Variants in FMOD observed in about 807,000 individuals in gnomAD.
FMOD encodes KSPG fibromodulin.
In FMOD, 15 loss-of-function variants were observed where a neutral mutation model predicts 27.0. That is an observed-to-expected ratio of 0.55 (90% CI 0.37 to 0.85). The LOEUF is 0.85. Among genes scored for constraint, FMOD ranks in the 40% least tolerant of loss-of-function variants. The pLI, the probability that FMOD is intolerant of heterozygous loss-of-function variation, is 0.00. For missense variants in FMOD, 460 were observed against 483.2 expected, an observed-to-expected ratio of 0.95 and a Z score of 0.45; for synonymous variants, 210 against 214.0, an observed-to-expected ratio of 0.98 and a Z score of 0.16.
In FMOD at chr1:203,342,500, G is replaced by A. The variant is rs2102300839; in HGVS notation, c.980-6C>T. ...GAAGCTGCTGATGGAGAACTCTGTG[G>A]GGACAAGAGGAGCACGGGTCAGGGA... On this transcript the variant is annotated splice_region_variant and splice_polypyrimidine_tract_variant and intron_variant, in intron 2 of 2. Coordinates refer to ENST00000354955, the MANE Select transcript of FMOD (RefSeq NM_002023.5). The A allele has an allele frequency of 6.2e-7, 1 of 1,612,494 alleles. No individual in the cohort carries two copies. The highest frequency in any genetic ancestry group is 8.5e-7 in the Non-Finnish European group (1 of 1,178,804).
Position 203,342,109 on chromosome 1 carries a change from C to T in FMOD, c.*234G>A. On this transcript the variant is annotated 3_prime_UTR_variant, in exon 3 of 3. Coordinates refer to ENST00000354955, the MANE Select transcript of FMOD (RefSeq NM_002023.5). ...GGGTTGGAACATCCAGGGATCCTTCCATCTACCACCACTTCTGTCCCTGGA... is the reference window on the plus strand; with the variant it reads ...GGGTTGGAACATCCAGGGATCCTTCTATCTACCACCACTTCTGTCCCTGGA... 1 of 484,578 alleles carries T rather than the reference C, an allele frequency of 2.1e-6. No individual in the cohort carries two copies. The highest frequency in any genetic ancestry group is 3.7e-6 in the Non-Finnish European group (1 of 273,628). The allele number at this position is 484,578 out of a possible 1,614,324, so 30.0% of individuals were successfully genotyped here.
At chr1:203,342,854 A>G (rs1658821444) in intron 2 of FMOD, among the ~76,000 whole-genome samples, 1 of 151,896 alleles carries the variant, frequency 6.6e-6, no homozygotes, top group African/African-American at 2.4e-5. Flanking sequence ...GTAGCCAAAG[A>G]CCAACCGTAG....
chr1:203,342,685 CTG>C (rs1228125260), intron 2 of FMOD, among the ~76,000 whole-genome samples, 191 bp from the exon 3 acceptor site: 1 of 152,178 alleles, frequency 6.6e-6, no homozygotes, highest in Admixed American at 6.5e-5. Context: ...AGAGTGAGGA[CTG>C]TGCCTGCGTC....
At chr1:203,344,186 A>C (rs1346265151) in intron 2 of FMOD, among the ~76,000 whole-genome samples, 2 of 152,092 alleles carry the variant, frequency 1.3e-5, no homozygotes, top group East Asian at 1.9e-4. Context: ...TGAGGAGAAG[A>C]AGCAAAGTGG....
intron 2 of FMOD, among the ~76,000 whole-genome samples, chr1:203,346,707 G>T (rs903661819): frequency 2.0e-5 from 3 of 152,130 alleles, no homozygotes. Context: ...GGCTGTAGAC[G>T]CAAGAGTAGT....
intron 2 of FMOD, among the ~76,000 whole-genome samples, chr1:203,343,983 G>A (rs1658843402): frequency 6.6e-6 from 1 of 152,188 alleles, no homozygotes; most frequent in Admixed American, 6.5e-5. Flanking sequence ...TAGACACTGA[G>A]AAAAGTAGCG....
intron 2 of FMOD, among the ~76,000 whole-genome samples, chr1:203,344,143 C>G (rs1251184934): frequency 6.6e-6 from 1 of 152,156 alleles, no homozygotes; most frequent in Non-Finnish European, 1.5e-5. Flanking sequence ...GGGGCTGGGT[C>G]TATGTTATCT....
intron 2 of FMOD, among the ~76,000 whole-genome samples, chr1:203,345,725 C>T (rs994776104): frequency 5.9e-5 from 9 of 152,020 alleles, no homozygotes; most frequent in Non-Finnish European, 8.8e-5. Context: ...GGTGAAACCC[C>T]GTCTCTACTA....
rs1314750672 is a variant in FMOD, at chr1:203,342,601, T to C, written c.980-107A>G. The C allele has an allele frequency of 5.1e-6, 6 of 1,177,756 alleles. No homozygotes were observed. In the Admixed American group the frequency reaches 9.7e-5, roughly 19 times the overall value. The allele number at this position is 1,177,756 out of a possible 1,614,324, so 73.0% of individuals were successfully genotyped here. A position where few individuals can be genotyped will look rare whatever the true frequency, so the allele number is the denominator to read the frequency against. On this transcript the variant is annotated intron_variant, in intron 2 of 2. Coordinates refer to ENST00000354955, the MANE Select transcript of FMOD (RefSeq NM_002023.5). ...AGCAGCTTAGATAAAGGGGTGGAAG[T>C]TGGGGATGGAGGGCAGATGTTTTCC...
At chr1:203,344,083 A>T (rs58876285) in intron 2 of FMOD, among the ~76,000 whole-genome samples, 1,551 of 152,262 alleles carry the variant, frequency 0.01, 19 homozygotes, top group African/African-American at 0.035. Flanking sequence ...GGTCCCAAGG[A>T]CTAGATTAAG....
rs1341393343 is a variant in FMOD at position 203,347,523 on chromosome 1, A to G, written c.748T>C (p.Tyr250His). ...DGLPSALEQL[Y>H]MEHNNVYTVP... ...GTGTAGACATTGTTGTGCTCCATGT[A>G]CAGCTGCTCAAGAGCTGAGGGCAGC... Residue 250 changes from tyrosine (Y) to histidine (H), a missense_variant, in exon 2 of 3, where the codon TAC becomes CAC. Tyr to His is a moderately conservative substitution (Grantham distance 83). Transcript: ENST00000354955. 6 of 1,614,040 alleles carry G rather than the reference A, an allele frequency of 3.7e-6. No homozygotes were observed. Among genetic ancestry groups the G allele is most frequent in the Non-Finnish European group, 5.1e-6 (6 of 1,180,026 alleles).
Position 203,348,133 on chromosome 1 carries a change from C to T in FMOD, c.138G>A (p.Pro46=), listed in dbSNP as rs575232998. ...AGGGGTAAGGCTCGTAGGTCTCATACGGGTAAGGGTCATAGGGATCGTAGT... is the reference window on the plus strand; with the variant it reads ...AGGGGTAAGGCTCGTAGGTCTCATATGGGTAAGGGTCATAGGGATCGTAGT... ...STYYDPYDPY[P]YETYEPYPYG... is the part of the protein sequence containing the mutation. The change falls in exon 2 of 3, where the codon CCG becomes CCA. Residue 46 remains proline (P), a synonymous_variant. Coordinates refer to ENST00000354955, the MANE Select transcript of FMOD (RefSeq NM_002023.5). 65 of 1,614,062 alleles carry T rather than the reference C, an allele frequency of 4.0e-5. No individual in the cohort carries two copies. Among genetic ancestry groups the T allele is most frequent in the East Asian group, 2.9e-4 (13 of 44,878 alleles).
chr1:203,341,470 A>G lies in FMOD; in HGVS notation c.*873T>C, dbSNP rs142016007. On this transcript the variant is annotated 3_prime_UTR_variant, in exon 3 of 3. Coordinates refer to ENST00000354955, the MANE Select transcript of FMOD (RefSeq NM_002023.5). ...TGGAACTACTGGGGCTGCTTTCTCA[A>G]CTCAGCCAATTTGAGGTGTGTTTGG... The G allele has an allele frequency of 1.3e-5, 2 of 152,324 alleles. No homozygotes were observed. The highest frequency in any genetic ancestry group is 3.9e-4 in the East Asian group (2 of 5,186). 9.4% of individuals were successfully genotyped at this position (152,324 alleles called of 1,614,324 possible).
chr1:203,346,641 T>G (rs186213787), intron 2 of FMOD, among the ~76,000 whole-genome samples: 42 of 152,134 alleles, frequency 2.8e-4, no homozygotes, highest in Middle Eastern at 6.8e-3. Context: ...CAGGAAGAAC[T>G]GACCAGAACA....
chr1:203,345,390 T>C (rs1658870225), intron 2 of FMOD, among the ~76,000 whole-genome samples: 1 of 152,184 alleles, frequency 6.6e-6, no homozygotes, highest in Non-Finnish European at 1.5e-5. Context: ...CTTTCTCTGA[T>C]TGTATGGGTA....
In FMOD at chr1:203,351,027, A is replaced by G. The variant is rs571423190; in HGVS notation, c.-8+6T>C. On this transcript the variant is annotated splice_donor_region_variant and intron_variant, in intron 1 of 2. Transcript: ENST00000354955. ...GACAAACCCGAAGTAAAACGACTAT[A>G]CTTACCTCAAGTTGAACTTTTCAGA... 9.2e-5 allele frequency: 14 copies of G among 152,260 alleles called. No homozygotes were observed. Among genetic ancestry groups the G allele is most frequent in the African/African-American group, 2.9e-4 (12 of 41,528 alleles). 9.4% of individuals were successfully genotyped at this position (152,260 alleles called of 1,614,324 possible).
intron 2 of FMOD, 136 bp downstream of exon 2, chr1:203,347,156 T>C (rs937886473): frequency 6.1e-6 from 6 of 979,922 alleles, no homozygotes; most frequent in Non-Finnish European, 9.1e-6. Context: ...GGGGTATGGC[T>C]TGGTTGTCAG....
In FMOD at chr1:203,348,256, G is replaced by A; in HGVS notation, c.15C>T (p.Ser5=). ...AGAAGAGCCCTGCCAGCAGCAGGAG[G>A]GAGGTCCACTGCATTTTGTCTCTGC... MQWT[S]LLLLAGLFSL... The change falls in exon 2 of 3, where the codon TCC becomes TCT. Residue 5 remains serine, a synonymous_variant. Coordinates refer to ENST00000354955, the MANE Select transcript of FMOD (RefSeq NM_002023.5). The A allele has an allele frequency of 1.2e-6, 2 of 1,613,500 alleles. No homozygotes were observed. Among genetic ancestry groups the A allele is most frequent in the Non-Finnish European group, 1.7e-6 (2 of 1,179,674 alleles).
At chr1:203,344,299 A>G (rs537903543) in intron 2 of FMOD, among the ~76,000 whole-genome samples, 129 of 152,302 alleles carry the variant, frequency 8.5e-4, no homozygotes, top group African/African-American at 3.0e-3. Flanking sequence ...CTAAAATTCC[A>G]GATCCCAGCT....
Sources: allele counts gnomAD v4.1 joint callset (sites outside exome capture counted in the v4.1 genomes callset), GRCh38; gene constraint gnomAD v4.1.1; transcripts MANE v1.5; gene names NCBI Gene and HGNC (gene_info 2026-07-23, HGNC 2026-07-21).